GABRR1: variants seen among roughly 807,000 people sequenced by gnomAD.
The protein encoded by GABRR1 is gamma-aminobutyric acid receptor subunit rho-1.
Under a neutral mutation model 55.5 loss-of-function variants are expected in GABRR1, and 59 were observed. The observed-to-expected ratio is 1.06, with a 90% CI of 0.86 to 1.32. The LOEUF (loss-of-function observed/expected upper bound fraction) is 1.32. GABRR1 is among the 40% of genes most tolerant of loss of function. The pLI, the probability that GABRR1 is intolerant of heterozygous loss-of-function variation, is 0.00. For missense variants in GABRR1, 602 were observed against 619.1 expected (o/e 0.97, Z 0.29); for synonymous variants, 213 against 226.0 (o/e 0.94, Z 0.51).
At chr6:89,179,738 T>C (rs1416954974) in intron 9 of GABRR1, among the ~76,000 whole-genome samples, 1 of 152,124 alleles carries the variant, frequency 6.6e-6, no homozygotes, top group Non-Finnish European at 1.5e-5. Flanking sequence ...GGGATTGGTA[T>C]TGTGGGGATA....
At chr6:89,181,310 G>A (rs1771711167) in intron 8 of GABRR1, among the ~76,000 whole-genome samples, 1 of 152,192 alleles carries the variant, frequency 6.6e-6, no homozygotes, top group Non-Finnish European at 1.5e-5. Context: ...CCCCTGAACT[G>A]TCTGAGCAAT....
At chr6:89,201,382 A>AGAAGGGGAT in intron 2 of GABRR1, 117 bp from the exon 3 acceptor site, 1 of 672,298 alleles carries the variant, frequency 1.5e-6, no homozygotes, top group Non-Finnish European at 2.7e-6. Context: ...TCTTCTTTTA[A>AGAAGGGGAT]GCTATTGGAC....
intron 3 of GABRR1, 44 bp from the exon 4 acceptor site, chr6:89,199,473 A>C: frequency 6.3e-7 from 1 of 1,575,254 alleles, no homozygotes; most frequent in Non-Finnish European, 8.7e-7. Context: ...TTTTACTTGA[A>C]ATTTTACTAT....
Position 89,206,897 on chromosome 6 carries a change from T to C in GABRR1, c.123-3412A>G, listed in dbSNP as rs1033775124. Among the ~76,000 whole-genome samples the C allele has an allele frequency of 1.3e-4, 20 of 152,292 alleles. No homozygotes were observed. In the East Asian group the frequency reaches 3.7e-3, roughly 28 times the overall value. On this transcript the variant is annotated intron_variant, in intron 1 of 9. Coordinates refer to ENST00000454853, the MANE Select transcript of GABRR1 (RefSeq NM_002042.5). ...ACTCACACAGTGTTGGGATTATATT[T>C]GTGAGCCACCATGCCCGGCCTCTAC...
intron 6 of GABRR1, 108 bp from the exon 7 acceptor site, chr6:89,185,558 G>T: frequency 2.2e-6 from 2 of 926,002 alleles, no homozygotes; most frequent in Non-Finnish European, 3.4e-6. Context: ...TACTGGGATT[G>T]TGATATGATA....
chr6:89,184,885 C>CTTTCTTTTTT (rs776768704), intron 7 of GABRR1, among the ~76,000 whole-genome samples: 31 of 123,702 alleles, frequency 2.5e-4, no homozygotes, highest in Non-Finnish European at 4.5e-4. Context: ...TCTTTTCTTT[C>CTTTCTTTTTT]TTTTTTTTTT....
intron 1 of GABRR1, chr6:89,212,034 A>AAGCTCCTCTT (rs1338703303): frequency 9.0e-6 from 3 of 333,342 alleles, no homozygotes; most frequent in African/African-American, 5.3e-5. Context: ...CTTCCTGCTG[A>AAGCTCCTCTT]CTGGACAGCT....
chr6:89,190,108 G>A (rs1030522750), intron 6 of GABRR1, 57 bp downstream of exon 6: 11 of 1,186,936 alleles, frequency 9.3e-6, no homozygotes, highest in African/African-American at 1.5e-5. Context: ...CTGAGAGTTA[G>A]AGGTGTTGAG....
Position 89,178,746 on chromosome 6 carries a change from T to G in GABRR1, c.*24A>C. On this transcript the variant is annotated 3_prime_UTR_variant, in exon 10 of 10. Coordinates refer to ENST00000454853, the MANE Select transcript of GABRR1 (RefSeq NM_002042.5). ...TTCTGTAGTGCATGCCATGGAAATG[T>G]GAAATTTGTAGAATTACAAGCATCT... The G allele has an allele frequency of 1.2e-5, 19 of 1,581,926 alleles. No individual in the cohort carries two copies. Among genetic ancestry groups the G allele is most frequent in the Non-Finnish European group, 1.6e-5 (18 of 1,151,360 alleles).
At chr6:89,185,761 A>G (rs951135911) in intron 6 of GABRR1, among the ~76,000 whole-genome samples, 5 of 152,238 alleles carry the variant, frequency 3.3e-5, no homozygotes, top group African/African-American at 9.6e-5. Flanking sequence ...CTATTTTTGT[A>G]GGTTAGAAAT....
chr6:89,198,077 G>A lies in GABRR1; in HGVS notation c.515C>T (p.Thr172Ile), dbSNP rs1220219672. The A allele has an allele frequency of 6.2e-7, 1 of 1,614,166 alleles. No homozygotes were observed. Among genetic ancestry groups the A allele is most frequent in the Admixed American group, 1.7e-5 (1 of 60,026 alleles). The change falls in exon 5 of 10, where the codon ACC becomes ATC. Residue 172 changes from threonine (T) to isoleucine (I), a missense_variant. Around this residue, in one of 3 missense-constraint regions of GABRR1, gnomAD observed 435 missense variants for 424.2 expected, o/e 1.03. Coordinates refer to ENST00000454853, the MANE Select transcript of GABRR1 (RefSeq NM_002042.5). Reference sequence around the variant, plus strand: ...GACCCGCAACATGACGTTGTCTGTGGTGGTGTCGTGGATGAAGGAGCGTTT... The same window carrying A: ...GACCCGCAACATGACGTTGTCTGTGATGGTGTCGTGGATGAAGGAGCGTTT... ...HSKRSFIHDT[T>I]TDNVMLRVQP...
chr6:89,225,126 G>A lies in GABRR1; in HGVS notation c.-410-3680C>T, dbSNP rs148224999. 2.3e-3 allele frequency among the ~76,000 whole-genome samples: 352 copies of A among 152,270 alleles called. 2 individuals are homozygous for A. Among genetic ancestry groups the A allele is most frequent in the African/African-American group, 7.4e-3 (308 of 41,556 alleles). On this transcript the variant is annotated intron_variant, in intron 1 of 11. Transcript: ENST00000369451. Reference sequence around the variant, plus strand: ...TTTCAGGTCTTAGATTTAAGTCCTTGATACATTTTGAGTTGATTTTTATAT... The same window carrying A: ...TTTCAGGTCTTAGATTTAAGTCCTTAATACATTTTGAGTTGATTTTTATAT...
Position 89,201,273 on chromosome 6 carries a change from G to A in GABRR1, c.174-8C>T, listed in dbSNP as rs769735801. On this transcript the variant is annotated splice_region_variant and splice_polypyrimidine_tract_variant and intron_variant, in intron 2 of 9. Coordinates refer to ENST00000454853, the MANE Select transcript of GABRR1 (RefSeq NM_002042.5). ...CTTCGTCTCAGAATTGGGCTGCCAA[G>A]GGGGAAGAAACCAGGCTGATCATAT... is the stretch of plus-strand genomic sequence containing the variant. 31 of 1,598,920 alleles carry A rather than the reference G, an allele frequency of 1.9e-5. No homozygotes were observed. The highest frequency in any genetic ancestry group is 2.7e-5 in the Non-Finnish European group (31 of 1,166,242).
Position 89,180,481 on chromosome 6 carries a change from T to C in GABRR1, c.957A>G (p.Thr319=). 1.2e-6 allele frequency: 2 copies of C among 1,612,926 alleles called. No homozygotes were observed. Among genetic ancestry groups the C allele is most frequent in the East Asian group, 2.2e-5 (1 of 44,878 alleles). ...AVPARVPLGI[T]TVLTMSTIIT... Reference sequence around the variant, plus strand: ...TGATGGTGGACATGGTCAGCACCGTTGTGATACCTGCAAACACAAGAATGA... The same window carrying C: ...TGATGGTGGACATGGTCAGCACCGTCGTGATACCTGCAAACACAAGAATGA... The change falls in exon 9 of 10, where the codon ACA becomes ACG. Residue 319 remains threonine (T), a synonymous_variant. Transcript: ENST00000454853.
Position 89,185,314 on chromosome 6 carries a change from G to C in GABRR1, c.792C>G (p.Ser264Arg). ...CAGCCCTCACTCTACACTTACCTGT[G>C]CTGCTGTAGAAAGCCAGTTTGGTGG... ...HTTTKLAFYS[S>R]TGWYNRLYIN... Residue 264 changes from serine to arginine, a missense_variant, in exon 7 of 10, where the codon AGC (serine) becomes AGG (arginine). Coordinates refer to ENST00000454853, the MANE Select transcript of GABRR1 (RefSeq NM_002042.5). The C allele has an allele frequency of 6.2e-7, 1 of 1,613,966 alleles. No homozygotes were observed. The highest frequency in any genetic ancestry group is 8.5e-7 in the Non-Finnish European group (1 of 1,179,866).
At chr6:89,179,760 C>T (rs1468754945) in intron 9 of GABRR1, among the ~76,000 whole-genome samples, 2 of 152,116 alleles carry the variant, frequency 1.3e-5, no homozygotes, top group East Asian at 1.9e-4. Context: ...ATTACTGTAA[C>T]ATGGTTAGAG....
At chr6:89,210,923 G>C (rs1582403670) in intron 1 of GABRR1, among the ~76,000 whole-genome samples, 1 of 152,208 alleles carries the variant, frequency 6.6e-6, no homozygotes. Context: ...TGAGAGGCAG[G>C]GGGTGAGGGA....
Position 89,214,038 on chromosome 6 carries a change from A to C in GABRR1, c.122+3163T>G, listed in dbSNP as rs572605457. Among the ~76,000 whole-genome samples the C allele has an allele frequency of 5.2e-3, 792 of 151,854 alleles. 9 individuals carry two copies. The highest frequency in any genetic ancestry group is 0.018 in the African/African-American group (754 of 41,370). ...TTTCTATATATAAGATCATGTCATC[A>C]GCAAACAGCAACAATTTCACTTCTT... On this transcript the variant is annotated intron_variant, in intron 1 of 9. Coordinates refer to ENST00000454853, the MANE Select transcript of GABRR1 (RefSeq NM_002042.5).
At chr6:89,222,008 G>A (rs12191993), upstream of GABRR1, among the ~76,000 whole-genome samples, 4,478 of 152,284 alleles carry the variant, frequency 0.029, 84 homozygotes, top group African/African-American at 0.048. Context: ...AGTGCCTTTC[G>A]TCTTGTTGCC....
Sources: gnomAD v4.1 joint callset for allele counts (sites outside exome capture counted in the v4.1 genomes callset) on GRCh38, gnomAD v4.1.1 for gene constraint, gnomAD v4.1.1 regional missense constraint, MANE v1.5 for transcripts, NCBI Gene and HGNC (gene_info 2026-07-23, HGNC 2026-07-21) for gene names.